The following NYAP2 variants were observed in gnomAD, a reference collection of about 807,000 sequenced individuals.
NYAP2 encodes the protein neuronal tyrosine-phosphorylated phosphoinositide-3-kinase adaptor 2, also known as neuronal tyrosine-phosphorylated phosphoinositide-3-kinase adapter 2.
A neutral mutation model predicts 50.4 loss-of-function variants in NYAP2; 23 were observed. That is an observed-to-expected ratio of 0.46 (90% confidence interval 0.33 to 0.65). The LOEUF (loss-of-function observed/expected upper bound fraction) is 0.65, where lower values mean the gene tolerates loss of function less well. Ranked by LOEUF, NYAP2 falls within the 30% of genes least tolerant of loss-of-function variation. The pLI is 0.02. For missense variants in NYAP2, 885 were observed against 861.0 expected (o/e 1.03, Z -0.35); for synonymous variants, 394 against 365.2 (o/e 1.08, Z -0.90).
At chr2:225,475,949 C>T (rs915268721) in intron 3 of NYAP2, among the ~76,000 whole-genome samples, 3 of 152,094 alleles carry the variant, frequency 2.0e-5, no homozygotes, top group Admixed American at 2.0e-4. Flanking sequence ...TCCAGAACTG[C>T]AGAGATTAGA....
chr2:225,450,620 C>T (rs575979523), intron 3 of NYAP2, among the ~76,000 whole-genome samples: 1 of 152,212 alleles, frequency 6.6e-6, no homozygotes, highest in Non-Finnish European at 1.5e-5. Context: ...GTTTCCTCAA[C>T]TGTAAATGGG....
At chr2:225,527,013 G>T (rs1213439834) in intron 4 of NYAP2, among the ~76,000 whole-genome samples, 1 of 152,034 alleles carries the variant, frequency 6.6e-6, no homozygotes, top group Non-Finnish European at 1.5e-5. Flanking sequence ...GTACCCTGAG[G>T]CTCATGAATG....
chr2:225,600,115 G>T (rs544461616), intron 5 of NYAP2, among the ~76,000 whole-genome samples: 3 of 152,264 alleles, frequency 2.0e-5, no homozygotes, highest in South Asian at 4.1e-4. Context: ...AGGGATAGGG[G>T]TTTTTCAGGA....
At chr2:225,425,232 C>G (rs1371397055) in intron 3 of NYAP2, among the ~76,000 whole-genome samples, 2 of 152,154 alleles carry the variant, frequency 1.3e-5, no homozygotes, top group African/African-American at 4.8e-5. Flanking sequence ...ATAAAAGGTA[C>G]AGCCATCTGC....
chr2:225,597,512 A>AATATATATATATATATATATACAT, intron 5 of NYAP2, among the ~76,000 whole-genome samples: 5 of 46,254 alleles, frequency 1.1e-4, no homozygotes, highest in Non-Finnish European at 1.9e-4. Flanking sequence ...TCCAAGGAGA[A>AATATATATATATATATATATACAT]ATATATATAT....
intron 4 of NYAP2, among the ~76,000 whole-genome samples, chr2:225,551,704 G>A (rs1446262373): frequency 1.3e-5 from 2 of 152,170 alleles, no homozygotes; most frequent in Non-Finnish European, 2.9e-5. Context: ...GGCCTAAGAG[G>A]TTGATAAAAA....
chr2:225,610,283 G>A (rs1162910725), intron 5 of NYAP2, among the ~76,000 whole-genome samples: 1 of 152,008 alleles, frequency 6.6e-6, no homozygotes, highest in Non-Finnish European at 1.5e-5. Flanking sequence ...TTCTCTCCTT[G>A]GCTTGCAGAT....
chr2:225,644,236 C>T (rs13001036), intron 6 of NYAP2, among the ~76,000 whole-genome samples: 27,054 of 152,104 alleles, frequency 0.18, 2,832 homozygotes, highest in East Asian at 0.42. Context: ...GCATAAATGC[C>T]TTCTTTTGAG....
intron 4 of NYAP2, among the ~76,000 whole-genome samples, chr2:225,523,334 C>CA (rs796932717): frequency 0.055 from 7,449 of 135,422 alleles, 591 homozygotes; most frequent in African/African-American, 0.18. Flanking sequence ...AAGATACCAC[C>CA]AAAAAAAAAA....
chr2:225,477,987 A>G (rs1257924269), intron 3 of NYAP2, among the ~76,000 whole-genome samples: 1 of 152,164 alleles, frequency 6.6e-6, no homozygotes, highest in Non-Finnish European at 1.5e-5. Flanking sequence ...AATTAGTTCA[A>G]GGTTGATGAG....
chr2:225,448,284 T>C (rs1689594878), intron 3 of NYAP2, among the ~76,000 whole-genome samples: 1 of 152,190 alleles, frequency 6.6e-6, no homozygotes, highest in Non-Finnish European at 1.5e-5. Flanking sequence ...TCAATAACTA[T>C]TACAGATCAG....
chr2:225,416,128 C>T (rs759084504), intron 3 of NYAP2, among the ~76,000 whole-genome samples: 4 of 152,202 alleles, frequency 2.6e-5, no homozygotes, highest in African/African-American at 2.4e-5. Context: ...GTGATTAATT[C>T]GAATCACTTT....
chr2:225,496,630 A>T (rs2106174641), intron 3 of NYAP2, among the ~76,000 whole-genome samples: 1 of 152,346 alleles, frequency 6.6e-6, no homozygotes, highest in East Asian at 1.9e-4. Context: ...TCACTAAGTT[A>T]ATTGTCCTCC....
intron 5 of NYAP2, among the ~76,000 whole-genome samples, chr2:225,619,709 G>A (rs145571532): frequency 1.7e-3 from 257 of 152,200 alleles, no homozygotes; most frequent in African/African-American, 5.9e-3. Context: ...GAAACTTCAG[G>A]GTTAGCTGCA....
At chr2:225,658,729 T>C (rs1353348994), downstream of NYAP2, among the ~76,000 whole-genome samples, 3 of 152,178 alleles carry the variant, frequency 2.0e-5, no homozygotes, top group Non-Finnish European at 2.9e-5. Flanking sequence ...ATATCTAAGG[T>C]GGAAAATAAA....
chr2:225,463,517 G>A (rs1267365914), intron 3 of NYAP2, among the ~76,000 whole-genome samples: 3 of 152,206 alleles, frequency 2.0e-5, no homozygotes, highest in Non-Finnish European at 4.4e-5. Flanking sequence ...ATACTTCAGG[G>A]CAGGGGAACC....
chr2:225,464,597 G>T (rs1231125172), intron 3 of NYAP2, among the ~76,000 whole-genome samples: 1 of 152,202 alleles, frequency 6.6e-6, no homozygotes, highest in Admixed American at 6.5e-5. Context: ...ACAGGGGCTT[G>T]TGGATCCATG....
chr2:225,464,574 G>A (rs1031839831), intron 3 of NYAP2, among the ~76,000 whole-genome samples: 3 of 152,148 alleles, frequency 2.0e-5, no homozygotes, highest in African/African-American at 4.8e-5. Context: ...CTCACTTCCC[G>A]GCCATTGCAG....
intron 5 of NYAP2, among the ~76,000 whole-genome samples, chr2:225,590,543 A>G (rs1692480931): frequency 6.6e-6 from 1 of 152,222 alleles, no homozygotes; most frequent in Non-Finnish European, 1.5e-5. Context: ...GGTGATATTT[A>G]TGCCTTCAGT....
Sources: gnomAD v4.1 joint callset for allele counts (sites outside exome capture counted in the v4.1 genomes callset) on GRCh38, gnomAD v4.1.1 for gene constraint, MANE v1.5 for transcripts, NCBI Gene and HGNC (gene_info 2026-07-23, HGNC 2026-07-21) for gene names.